The following WSCD1 variants were observed in gnomAD, a reference collection of about 807,000 sequenced individuals.
The protein encoded by WSCD1 is sialate:O-sulfotransferase 1.
A neutral mutation model predicts 60.4 loss-of-function variants in WSCD1; 41 were observed. The ratio of observed to expected loss-of-function variants is 0.68; its 90% confidence interval spans 0.53 to 0.88. WSCD1 has a LOEUF of 0.88. Among genes scored for constraint, WSCD1 ranks in the 40% least tolerant of loss-of-function variants. The pLI is 0.00. For synonymous variants in WSCD1, 361 were observed against 332.5 expected (o/e 1.09, Z -0.93); for missense variants, 784 against 796.2 (o/e 0.98, Z 0.18).
chr17:6,079,673 G>T (rs1258053681), intron 1 of WSCD1, among the ~76,000 whole-genome samples: 1 of 152,182 alleles, frequency 6.6e-6, no homozygotes, highest in Non-Finnish European at 1.5e-5. Flanking sequence ...CCAACGACCA[G>T]CCTGTGCAGA....
chr17:6,117,328 G>A (rs1404077078), intron 7 of WSCD1, among the ~76,000 whole-genome samples: 1 of 152,194 alleles, frequency 6.6e-6, no homozygotes, highest in African/African-American at 2.4e-5. Flanking sequence ...CACTGTGGAT[G>A]AGGCCTTGAC....
chr17:6,116,400 T>TCACACA (rs33955613), intron 7 of WSCD1, among the ~76,000 whole-genome samples: 3 of 150,510 alleles, frequency 2.0e-5, no homozygotes, highest in Non-Finnish European at 1.5e-5. Flanking sequence ...GACAGAGTGA[T>TCACACA]CACACACACA....
Position 6,080,580 on chromosome 17 carries a change from C to T in WSCD1, c.-79C>T, listed in dbSNP as rs966932689. 45 of 1,498,086 alleles carry T rather than the reference C, an allele frequency of 3.0e-5. No homozygotes were observed. The East Asian group carries it at 3.6e-4, about 12-fold the overall frequency. The allele number at this position is 1,498,086 out of a possible 1,614,324, so 92.8% of individuals were successfully genotyped here. A position where few individuals can be genotyped will look rare whatever the true frequency, so the allele number is the denominator to read the frequency against. On this transcript the variant is annotated 5_prime_UTR_variant, in exon 2 of 9. Transcript: ENST00000317744. This position sits in a 1 kb window ranked among gnomAD's most constrained non-coding sequence, Gnocchi z 6.6. ...AGCCAGGATGCAAGGATGACGCCTC[C>T]GGAGGCCCTGGCCTCACTCCCACCT... is the stretch of plus-strand genomic sequence containing the variant.
In WSCD1 at chr17:6,109,738, C is replaced by T; in HGVS notation, c.981C>T (p.Tyr327=). 1 of 1,614,060 alleles carries T rather than the reference C, an allele frequency of 6.2e-7. No individual in the cohort carries two copies. The highest frequency in any genetic ancestry group is 2.2e-5 in the East Asian group (1 of 44,876). The change falls in exon 6 of 9, where the codon TAC becomes TAT. Residue 327 remains tyrosine (Y), a synonymous_variant. Coordinates refer to ENST00000317744, the MANE Select transcript of WSCD1 (RefSeq NM_015253.2). The part of the protein sequence containing the change: ...QDPEAQRLAE[Y]CEVYQTPVQD... The stretch of plus-strand genomic sequence containing the variant: ...CTGAGGCACAGAGGCTGGCAGAATA[C>T]TGTGAGGTCTACCAGACACCTGTGC...
Position 6,098,908 on chromosome 17 carries a change from A to C in WSCD1, c.849+3685A>C, listed in dbSNP as rs4796569. Among the ~76,000 whole-genome samples the C allele has an allele frequency of 1.3e-3, 196 of 152,210 alleles. 3 individuals are homozygous for C. In the East Asian group the frequency reaches 0.03, roughly 23 times the overall value. On this transcript the variant is annotated intron_variant, in intron 5 of 8. Transcript: ENST00000317744. ...AGGCTTGGAAGGAGGCTGAGAAAGG[A>C]AGATGGTTGCAACTTTTGGGAAGGG...
chr17:6,094,155 C>T (rs918620507), intron 4 of WSCD1, among the ~76,000 whole-genome samples: 3 of 152,204 alleles, frequency 2.0e-5, no homozygotes, highest in Admixed American at 1.3e-4. Flanking sequence ...GGAAGAAATA[C>T]GAGCAGTTGG....
At chr17:6,091,064 T>C (rs1326818940) in intron 4 of WSCD1, among the ~76,000 whole-genome samples, 1 of 152,084 alleles carries the variant, frequency 6.6e-6, no homozygotes, top group African/African-American at 2.4e-5. Flanking sequence ...CTAATGTTTT[T>C]TGTATTTTTA....
At chr17:6,117,681 A>T (rs971548087) in intron 7 of WSCD1, among the ~76,000 whole-genome samples, 1 of 152,262 alleles carries the variant, frequency 6.6e-6, no homozygotes, top group African/African-American at 2.4e-5. Flanking sequence ...ATATGCGTGC[A>T]TCTGCAATGA....
chr17:6,116,909 T>C (rs772704426), intron 7 of WSCD1, among the ~76,000 whole-genome samples: 1 of 152,150 alleles, frequency 6.6e-6, no homozygotes, highest in South Asian at 2.1e-4. Context: ...ATGGGCTACA[T>C]TGGGTGTGGC....
chr17:6,089,305 G>A (rs1317082014), intron 3 of WSCD1, among the ~76,000 whole-genome samples: 3 of 152,236 alleles, frequency 2.0e-5, no homozygotes, highest in South Asian at 2.1e-4. Context: ...TCATGTTCAG[G>A]GTCTCACCGC....
At chr17:6,104,461 A>G (rs1022853410) in intron 5 of WSCD1, among the ~76,000 whole-genome samples, 1 of 152,198 alleles carries the variant, frequency 6.6e-6, no homozygotes, top group African/African-American at 2.4e-5. Context: ...CAAAGCCCAC[A>G]GTTCCTGATG....
intron 5 of WSCD1, among the ~76,000 whole-genome samples, chr17:6,098,661 A>T (rs957106092): frequency 3.8e-4 from 58 of 152,168 alleles, no homozygotes; most frequent in Non-Finnish European, 1.3e-4. Flanking sequence ...GTCAGATGGG[A>T]CTGGGAGGGT....
rs923528915 is a variant in WSCD1 at position 6,100,234 on chromosome 17, A to G, written c.849+5011A>G. 5.3e-5 allele frequency among the ~76,000 whole-genome samples: 8 copies of G among 152,274 alleles called. No homozygotes were observed. The East Asian group carries it at 1.5e-3, about 29-fold the overall frequency. Reference sequence around the variant, plus strand: ...TGAGGCATGGATGGGTTTGTGGGTGAGCGGGGCAGCTGACCTGTCCAATGT... The same window carrying G: ...TGAGGCATGGATGGGTTTGTGGGTGGGCGGGGCAGCTGACCTGTCCAATGT... On this transcript the variant is annotated intron_variant, in intron 5 of 8. Coordinates refer to ENST00000317744, the MANE Select transcript of WSCD1 (RefSeq NM_015253.2).
At chr17:6,116,544 C>A (rs529085871) in intron 7 of WSCD1, among the ~76,000 whole-genome samples, 2 of 152,298 alleles carry the variant, frequency 1.3e-5, no homozygotes, top group South Asian at 4.2e-4. Context: ...TGGAAGGCAC[C>A]CCGGGTCTCA....
chr17:6,089,247 T>G (rs949207994), intron 3 of WSCD1, among the ~76,000 whole-genome samples: 1 of 152,216 alleles, frequency 6.6e-6, no homozygotes, highest in Non-Finnish European at 1.5e-5. Flanking sequence ...ATACATTCTC[T>G]TTTTAGTCTC....
At chr17:6,113,715 A>G (rs1911533301) in intron 7 of WSCD1, among the ~76,000 whole-genome samples, 1 of 152,202 alleles carries the variant, frequency 6.6e-6, no homozygotes, top group Admixed American at 6.5e-5. Context: ...AAGACATACA[A>G]ATGGTCAACA....
rs1383256469 is a variant in WSCD1, at chr17:6,110,200, TGAAAG to T, written c.1009+438_1009+442del. 2.0e-5 allele frequency among the ~76,000 whole-genome samples: 3 copies of T among 152,106 alleles called. No homozygotes were observed. Among genetic ancestry groups the T allele is most frequent in the Non-Finnish European group, 2.9e-5 (2 of 68,018 alleles). On this transcript the variant is annotated intron_variant, in intron 6 of 8. Coordinates refer to ENST00000317744, the MANE Select transcript of WSCD1 (RefSeq NM_015253.2). This position sits in a 1 kb window ranked among gnomAD's most constrained non-coding sequence, Gnocchi z 4.8. The stretch of plus-strand genomic sequence containing the variant: ...TGCCCCTGTTGACCTTAGGAACTGA[TGAAAG>T]GAAGAGCCGGGGACGAGGGATGTTA...
At chr17:6,091,402 G>T (rs1038211313) in intron 4 of WSCD1, among the ~76,000 whole-genome samples, 2 of 152,152 alleles carry the variant, frequency 1.3e-5, no homozygotes, top group African/African-American at 4.8e-5. Context: ...CTGTGTGGCC[G>T]TGGGGCTCAG....
At chr17:6,111,169 C>T (rs1469869950) in intron 7 of WSCD1, among the ~76,000 whole-genome samples, 1 of 152,144 alleles carries the variant, frequency 6.6e-6, no homozygotes, top group Non-Finnish European at 1.5e-5. Context: ...CAAACACCCA[C>T]GATCTAGGCC....
Sources: allele counts gnomAD v4.1 joint callset (sites outside exome capture counted in the v4.1 genomes callset), GRCh38; gene constraint gnomAD v4.1.1; non-coding constraint Gnocchi (gnomAD v3.1); transcripts MANE v1.5; gene names NCBI Gene and HGNC (gene_info 2026-07-23, HGNC 2026-07-21).